The following LVRN variants were observed in gnomAD, a reference collection of about 807,000 sequenced individuals.
The protein encoded by LVRN is laeverin, also known as aminopeptidase Q.
A neutral mutation model predicts 111.4 loss-of-function variants in LVRN; 99 were observed. That is an observed-to-expected ratio of 0.89 (90% CI 0.76 to 1.05). LVRN has a LOEUF of 1.05. Ranked by LOEUF, LVRN falls within the 50% of genes least tolerant of loss-of-function variation. The probability of loss-of-function intolerance (pLI) is 0.00; values close to 1 mark genes in which losing one functional copy is unlikely to be tolerated. For missense variants in LVRN, 1,414 were observed against 1,206.8 expected (o/e 1.17, Z -2.54); for synonymous variants, 488 against 449.5 (o/e 1.09, Z -1.08).
At chr5:115,994,676 A>G (rs1211597900) in intron 6 of LVRN, among the ~76,000 whole-genome samples, 2 of 152,204 alleles carry the variant, frequency 1.3e-5, no homozygotes, top group Non-Finnish European at 2.9e-5. Context: ...TGTTTTGCTA[A>G]TTTGAGTAAA....
At chr5:116,005,088 G>T (rs895401408) in intron 12 of LVRN, among the ~76,000 whole-genome samples, 1 of 152,080 alleles carries the variant, frequency 6.6e-6, no homozygotes, top group Admixed American at 6.5e-5. Context: ...TTATTTCTAC[G>T]ACATAATTGG....
intron 4 of LVRN, among the ~76,000 whole-genome samples, chr5:115,989,230 G>A (rs10065502): frequency 0.53 from 80,421 of 151,996 alleles, 21,620 homozygotes; most frequent in South Asian, 0.6. Flanking sequence ...AGTCAGTACC[G>A]TGTCTTTATA....
At chr5:116,002,953 T>A in intron 11 of LVRN, 42 bp downstream of exon 11, 1 of 1,406,470 alleles carries the variant, frequency 7.1e-7, no homozygotes. Flanking sequence ...TATATGCATA[T>A]GTAAAGGCAG....
rs148730080 is a variant in LVRN, at chr5:115,966,343, T to C, written c.695+3031T>C. ...TTTAGACCTTTCTGACTCAGCATAA[T>C]GCCCTTGCGATCCATCCAAGTATGC... is the stretch of plus-strand genomic sequence containing the variant. On this transcript the variant is annotated intron_variant, in intron 1 of 19. Transcript: ENST00000357872. Among the ~76,000 whole-genome samples the C allele has an allele frequency of 2.0e-3, 310 of 152,350 alleles. 2 individuals carry two copies. The highest frequency in any genetic ancestry group is 6.9e-3 in the African/African-American group (286 of 41,578).
chr5:116,020,570 A>G (rs1397496272), intron 18 of LVRN, among the ~76,000 whole-genome samples: 1 of 152,206 alleles, frequency 6.6e-6, no homozygotes, highest in South Asian at 2.1e-4. Flanking sequence ...AAAACTTGGA[A>G]TTGTTTTCAC....
chr5:116,000,917 G>A (rs971603849), intron 9 of LVRN, 150 bp from the exon 10 acceptor site: 66 of 825,946 alleles, frequency 8.0e-5, no homozygotes, highest in Non-Finnish European at 1.1e-4. Flanking sequence ...TATATAAACA[G>A]AGTTCTAAAT....
chr5:115,972,152 T>C (rs1001611481), intron 1 of LVRN, among the ~76,000 whole-genome samples: 2 of 152,096 alleles, frequency 1.3e-5, no homozygotes, highest in African/African-American at 4.8e-5. Flanking sequence ...AAAAGTTTGA[T>C]ATATATAAGG....
rs1449820832 is a variant in LVRN at position 115,963,013 on chromosome 5, C to T, written c.396C>T (p.Asn132=). 6.2e-7 allele frequency: 1 copy of T among 1,613,674 alleles called. No homozygotes were observed. The highest frequency in any genetic ancestry group is 2.2e-5 in the East Asian group (1 of 44,864). The part of the protein sequence containing the change: ...AGSLPFTGRV[N]ITVRCTVATS... ...CTTTGCCCTTCACTGGCCGCGTGAA[C>T]ATCACGGTGCGCTGCACGGTGGCCA... Residue 132 remains asparagine (N), a synonymous_variant, in exon 1 of 20, where the codon AAC becomes AAT. Coordinates refer to ENST00000357872, the MANE Select transcript of LVRN (RefSeq NM_173800.5).
chr5:116,018,184 AC>A (rs1458005259), intron 18 of LVRN, among the ~76,000 whole-genome samples: 1 of 152,222 alleles, frequency 6.6e-6, no homozygotes, highest in African/African-American at 2.4e-5. Flanking sequence ...CCAATTAATA[AC>A]CAAGACTCAG....
chr5:116,023,791 T>C (rs912046481), intron 19 of LVRN: 1 of 152,092 alleles, frequency 6.6e-6, no homozygotes, highest in South Asian at 2.1e-4. Flanking sequence ...GTGGCAAAGA[T>C]AGGGAGCAAC....
rs377464538 is a variant in LVRN, at chr5:116,001,106, A to T, written c.1687A>T (p.Ile563Leu). ...DQSTVILPAT[I>L]KNIMDSWTHQ... is the part of the protein sequence containing the mutation. ...GAGTACAGTTATTTTGCCAGCAACAATAAAAAACATAATGGACAGTTGGAC... is the reference window on the plus strand; with the variant it reads ...GAGTACAGTTATTTTGCCAGCAACATTAAAAAACATAATGGACAGTTGGAC... Residue 563 changes from isoleucine to leucine, a missense_variant, in exon 10 of 20, where the codon ATA becomes TTA. By Grantham distance (5) the Ile-to-Leu change is conservative (BLOSUM62 2). Transcript: ENST00000357872. 10 of 1,611,564 alleles carry T rather than the reference A, an allele frequency of 6.2e-6. No homozygotes were observed. In the African/African-American group the frequency reaches 1.3e-4, roughly 22 times the overall value.
chr5:115,994,780 T>C (rs1246898974), intron 6 of LVRN, among the ~76,000 whole-genome samples: 2 of 152,252 alleles, frequency 1.3e-5, no homozygotes, highest in Non-Finnish European at 1.5e-5. Flanking sequence ...AGAGTAATTA[T>C]GTAGTGCTTT....
intron 18 of LVRN, among the ~76,000 whole-genome samples, chr5:116,018,044 T>G (rs904187695): frequency 2.0e-5 from 3 of 152,114 alleles, no homozygotes; most frequent in Non-Finnish European, 4.4e-5. Flanking sequence ...GACGATCACT[T>G]TAGCCCAGGA....
At chr5:115,993,237 TA>T (rs67822880) in intron 5 of LVRN, among the ~76,000 whole-genome samples, 28,203 of 150,396 alleles carry the variant, frequency 0.19, 3,142 homozygotes, top group East Asian at 0.48. Flanking sequence ...AGAAAATAAT[TA>T]ACAGCTGAGC....
intron 6 of LVRN, among the ~76,000 whole-genome samples, chr5:115,996,522 T>C (rs885119): frequency 0.28 from 43,226 of 152,076 alleles, 6,525 homozygotes; most frequent in Non-Finnish European, 0.32. Context: ...TTTTTGGAGA[T>C]CAAGAACTTT....
chr5:116,022,362 C>T (rs745633720), intron 18 of LVRN, 29 bp from the exon 19 acceptor site: 4 of 1,519,104 alleles, frequency 2.6e-6, no homozygotes, highest in South Asian at 1.1e-5. Context: ...ATGCTTTCCA[C>T]CCTTGATTAA....
chr5:116,015,584 T>A (rs560654601), intron 17 of LVRN, 44 bp from the exon 18 acceptor site: 1 of 1,575,218 alleles, frequency 6.3e-7, no homozygotes, highest in Non-Finnish European at 8.6e-7. Flanking sequence ...TAACTCTTTA[T>A]GTTGGATGTT....
intron 4 of LVRN, among the ~76,000 whole-genome samples, chr5:115,988,459 T>A (rs1206985565): frequency 1.3e-5 from 2 of 152,180 alleles, no homozygotes; most frequent in South Asian, 2.1e-4. Flanking sequence ...TAAGGAAATA[T>A]GTAAATATTT....
rs114087878 is a variant in LVRN, at chr5:115,963,767, G to A, written c.695+455G>A. Among the ~76,000 whole-genome samples, 476 of 152,280 alleles carry A rather than the reference G, an allele frequency of 3.1e-3. 1 individual carries two copies. Among genetic ancestry groups the A allele is most frequent in the African/African-American group, 0.011 (438 of 41,542 alleles). On this transcript the variant is annotated intron_variant, in intron 1 of 19. Transcript: ENST00000357872. Reference sequence around the variant, plus strand: ...CTCCCTTTTCCTATAACCTTGCTCCGAATAAAGAGACGGCGGAGACCGCGG... The same window carrying A: ...CTCCCTTTTCCTATAACCTTGCTCCAAATAAAGAGACGGCGGAGACCGCGG...
Sources: gnomAD v4.1 joint callset for allele counts (sites outside exome capture counted in the v4.1 genomes callset) on GRCh38, gnomAD v4.1.1 for gene constraint, MANE v1.5 for transcripts, NCBI Gene and HGNC (gene_info 2026-07-23, HGNC 2026-07-21) for gene names.